PARP8: variants seen among roughly 807,000 people sequenced by gnomAD.
The protein encoded by PARP8 is poly(ADP-ribose) polymerase family member 8.
A neutral mutation model predicts 124.1 loss-of-function variants in PARP8; 51 were observed. The ratio of observed to expected loss-of-function variants is 0.41; its 90% CI spans 0.33 to 0.52. The LOEUF (loss-of-function observed/expected upper bound fraction) is 0.52, where lower values mean the gene tolerates loss of function less well. PARP8 is among the 20% of genes least tolerant of loss of function. The pLI, the probability that PARP8 is intolerant of heterozygous loss-of-function variation, is 0.21. For synonymous variants in PARP8, 391 were observed against 361.5 expected, an observed-to-expected ratio of 1.08 and a Z score of -0.93; for missense variants, 860 against 1,018.9, an observed-to-expected ratio of 0.84 and a Z score of 2.12.
Position 50,725,974 on chromosome 5 carries a change from C to A in PARP8, c.147-24177C>A, listed in dbSNP as rs541196922. On this transcript the variant is annotated intron_variant, in intron 2 of 25. Transcript: ENST00000281631. ...ATGACCGGAGACGCATCCTGTAGAG[C>A]CTGAGCTGTTTATGGTTATGCTACC... 1.2e-3 allele frequency among the ~76,000 whole-genome samples: 182 copies of A among 152,086 alleles called. 1 individual carries two copies. The highest frequency in any genetic ancestry group is 1.1e-3 in the Non-Finnish European group (73 of 68,010).
Position 50,816,709 on chromosome 5 carries a change from C to G in PARP8, c.1668+1185C>G, listed in dbSNP as rs190310380. Among the ~76,000 whole-genome samples, 296 of 152,162 alleles carry G rather than the reference C, an allele frequency of 1.9e-3. 2 individuals are homozygous for G. The highest frequency in any genetic ancestry group is 6.7e-3 in the African/African-American group (280 of 41,518). On this transcript the variant is annotated intron_variant, in intron 15 of 25. Coordinates refer to ENST00000281631, the MANE Select transcript of PARP8 (RefSeq NM_024615.4). ...TTCCAAACTATAGCTTCGTATTTCC[C>G]CCACACCCAACATGCACACATTTGC...
chr5:50,707,543 A>G (rs1478861920), intron 2 of PARP8, among the ~76,000 whole-genome samples: 1 of 151,860 alleles, frequency 6.6e-6, no homozygotes, highest in Non-Finnish European at 1.5e-5. Context: ...TCTGAATGTA[A>G]TTAATTGAAT....
At chr5:50,720,072 A>G (rs2149500960) in intron 2 of PARP8, among the ~76,000 whole-genome samples, 1 of 152,194 alleles carries the variant, frequency 6.6e-6, no homozygotes, top group African/African-American at 2.4e-5. Flanking sequence ...ATTAATTTTC[A>G]TTGGTGGAGA....
chr5:50,765,239 G>T (rs1195723427), intron 7 of PARP8, among the ~76,000 whole-genome samples: 2 of 151,596 alleles, frequency 1.3e-5, no homozygotes, highest in East Asian at 1.9e-4. Context: ...TCCAGCCTGG[G>T]CAACAAGAGC....
intron 14 of PARP8, among the ~76,000 whole-genome samples, chr5:50,800,149 C>T (rs1580383840): frequency 1.3e-5 from 2 of 152,288 alleles, no homozygotes; most frequent in Non-Finnish European, 2.9e-5. Context: ...TCAAGTCTTA[C>T]ACTTCCTTGG....
At chr5:50,834,651 A>G (rs1747360534) in intron 24 of PARP8, among the ~76,000 whole-genome samples, 2 of 152,298 alleles carry the variant, frequency 1.3e-5, no homozygotes. Flanking sequence ...CTTGCTGTCT[A>G]CATAGTTCTT....
chr5:50,734,968 A>G (rs889269096), intron 2 of PARP8, among the ~76,000 whole-genome samples: 1 of 152,122 alleles, frequency 6.6e-6, no homozygotes, highest in Non-Finnish European at 1.5e-5. Context: ...TTAATATTAA[A>G]ATATGCAGAA....
intron 2 of PARP8, among the ~76,000 whole-genome samples, chr5:50,687,006 T>G (rs1397483964): frequency 6.6e-6 from 1 of 152,226 alleles, no homozygotes; most frequent in Non-Finnish European, 1.5e-5. Flanking sequence ...ATTCGGCTTC[T>G]AGTTACTTAT....
intron 7 of PARP8, among the ~76,000 whole-genome samples, chr5:50,765,820 G>GT (rs1761001078): frequency 6.6e-6 from 1 of 152,202 alleles, no homozygotes; most frequent in Non-Finnish European, 1.5e-5. Context: ...GAGGTGGGTA[G>GT]TTAGGCAGAA....
At chr5:50,839,555 G>T (rs1490670627) in intron 25 of PARP8, among the ~76,000 whole-genome samples, 2 of 151,824 alleles carry the variant, frequency 1.3e-5, no homozygotes, top group Non-Finnish European at 2.9e-5. Context: ...AATGCCTTTG[G>T]TCAACTTTGT....
At chr5:50,834,703 C>T in intron 24 of PARP8, 2 of 524,362 alleles carry the variant, frequency 3.8e-6, no homozygotes. Context: ...TAGATGAGTC[C>T]CTTTTTATTG....
chr5:50,814,164 A>T (rs1466979914), intron 14 of PARP8, among the ~76,000 whole-genome samples: 1 of 152,166 alleles, frequency 6.6e-6, no homozygotes, highest in Non-Finnish European at 1.5e-5. Context: ...ACTATCGTAA[A>T]TATGCAGTAA....
Position 50,734,539 on chromosome 5 carries a change from T to C in PARP8, c.147-15612T>C, listed in dbSNP as rs1306100759. ...ATAATCATTCAAACAAATTAATTTG[T>C]CAGTAATATATTTACTAGTATATAA... On this transcript the variant is annotated intron_variant, in intron 2 of 25. Transcript: ENST00000281631. Among the ~76,000 whole-genome samples, 5 of 152,206 alleles carry C rather than the reference T, an allele frequency of 3.3e-5. No individual in the cohort carries two copies. The East Asian group carries it at 5.8e-4, about 18-fold the overall frequency.
chr5:50,750,740 A>G (rs1344801769), intron 3 of PARP8, among the ~76,000 whole-genome samples: 1 of 152,132 alleles, frequency 6.6e-6, no homozygotes, highest in African/African-American at 2.4e-5. Context: ...CTTAAATCAC[A>G]AACTTCCTTA....
chr5:50,812,411 G>A (rs39949), intron 14 of PARP8, among the ~76,000 whole-genome samples: 26,628 of 151,966 alleles, frequency 0.18, 3,091 homozygotes, highest in African/African-American at 0.34. Flanking sequence ...GTGTCTGTTC[G>A]TATCCTTCGC....
At chr5:50,769,139 A>T (rs1761342159) in intron 7 of PARP8, among the ~76,000 whole-genome samples, 1 of 152,176 alleles carries the variant, frequency 6.6e-6, no homozygotes, top group Admixed American at 6.5e-5. Flanking sequence ...GACATCATAT[A>T]CAAAATACTT....
chr5:50,729,766 T>G (rs959042286), intron 2 of PARP8, among the ~76,000 whole-genome samples: 17 of 152,208 alleles, frequency 1.1e-4, no homozygotes, highest in African/African-American at 4.1e-4. Context: ...TTCTTGACAC[T>G]GATGACAGCT....
chr5:50,795,524 A>T, intron 12 of PARP8, 107 bp downstream of exon 12: 1 of 908,996 alleles, frequency 1.1e-6, no homozygotes. Flanking sequence ...CTTTGTTTTA[A>T]TTTACTGTTT....
chr5:50,730,513 G>T (rs1342940626), intron 2 of PARP8, among the ~76,000 whole-genome samples: 1 of 152,080 alleles, frequency 6.6e-6, no homozygotes, highest in Non-Finnish European at 1.5e-5. Context: ...CGGGTTAACC[G>T]CCTCCATGAT....
Sources: gnomAD v4.1 joint callset for allele counts (sites outside exome capture counted in the v4.1 genomes callset) on GRCh38, gnomAD v4.1.1 for gene constraint, MANE v1.5 for transcripts, NCBI Gene and HGNC (gene_info 2026-07-23, HGNC 2026-07-21) for gene names.